The following PRKN variants were observed in gnomAD, a reference collection of about 807,000 sequenced individuals.
PRKN encodes the protein E3 ubiquitin-protein ligase parkin.
Under a neutral mutation model 59.5 loss-of-function variants are expected in PRKN, and 56 were observed. The ratio of observed to expected loss-of-function variants is 0.94; its 90% CI spans 0.76 to 1.18. The LOEUF (loss-of-function observed/expected upper bound fraction) is 1.18. Ranked by LOEUF, PRKN falls within the 50% of genes most tolerant of loss-of-function variation. The pLI, the probability that PRKN is intolerant of heterozygous loss-of-function variation, is 0.00. For synonymous variants in PRKN, 250 were observed against 222.1 expected (o/e 1.13, Z -1.12); for missense variants, 657 against 596.4 (o/e 1.10, Z -1.06).
intron 3 of PRKN, among the ~76,000 whole-genome samples, chr6:162,201,728 G>A (rs1196539587): frequency 6.6e-6 from 1 of 152,074 alleles, no homozygotes; most frequent in Non-Finnish European, 1.5e-5. Flanking sequence ...AGTTTGCTGG[G>A]CTTCTAGGGT....
chr6:161,708,021 C>T lies in PRKN; in HGVS notation c.871+77751G>A, dbSNP rs560616323. ...CACATTTCATTTTTGGAGTATGTTG[C>T]CCTCATTTAATGATATAATAGTTTT... On this transcript the variant is annotated intron_variant, in intron 7 of 11. Transcript: ENST00000366898. Among the ~76,000 whole-genome samples the T allele has an allele frequency of 3.3e-5, 5 of 152,128 alleles. No homozygotes were observed. The South Asian group carries it at 8.3e-4, about 25-fold the overall frequency.
chr6:161,532,209 A>G (rs1013860821), intron 9 of PRKN, among the ~76,000 whole-genome samples: 1 of 151,086 alleles, frequency 6.6e-6, no homozygotes, highest in Non-Finnish European at 1.5e-5. Context: ...CTATGTGTCT[A>G]TAAGTACAAG....
Position 162,186,991 on chromosome 6 carries a change from G to A in PRKN, c.534+14140C>T, listed in dbSNP as rs1456067615. 4.6e-5 allele frequency among the ~76,000 whole-genome samples: 7 copies of A among 152,140 alleles called. No individual in the cohort carries two copies. The East Asian group carries it at 5.8e-4, about 13-fold the overall frequency. Reference sequence around the variant, plus strand: ...CAGAGAGTGAGTTCAGGTCTGACCCGAGTCCCACTTGATAATGTTAAAGGC... The same window carrying A: ...CAGAGAGTGAGTTCAGGTCTGACCCAAGTCCCACTTGATAATGTTAAAGGC... On this transcript the variant is annotated intron_variant, in intron 4 of 11. Transcript: ENST00000366898.
At chr6:162,366,695 C>G (rs1174424296) in intron 2 of PRKN, among the ~76,000 whole-genome samples, 2 of 151,926 alleles carry the variant, frequency 1.3e-5, no homozygotes, top group African/African-American at 4.8e-5. Flanking sequence ...CACCTGAGGT[C>G]GGGAGTTCGA....
intron 1 of PRKN, among the ~76,000 whole-genome samples, chr6:162,529,614 G>A (rs73037984): frequency 0.078 from 11,922 of 152,144 alleles, 501 homozygotes; most frequent in South Asian, 0.17. Flanking sequence ...AGGGACTTAC[G>A]GACAGAAGCC....
intron 9 of PRKN, among the ~76,000 whole-genome samples, chr6:161,465,712 C>G (rs548183557): frequency 6.6e-6 from 1 of 152,122 alleles, no homozygotes; most frequent in Non-Finnish European, 1.5e-5. Flanking sequence ...TGTACCGCTA[C>G]TGCTTAAGAT....
chr6:161,771,376 AT>A (rs375170793), intron 7 of PRKN, among the ~76,000 whole-genome samples: 6,186 of 60,872 alleles, frequency 0.1, 576 homozygotes, highest in African/African-American at 0.2. Context: ...AAAAAATAAA[AT>A]AAAATAAAAT....
chr6:161,926,795 C>T (rs1021896947), intron 6 of PRKN, among the ~76,000 whole-genome samples: 6 of 152,260 alleles, frequency 3.9e-5, no homozygotes, highest in South Asian at 4.1e-4. Flanking sequence ...AACAAGCCTA[C>T]GAGAGATATA....
chr6:162,390,574 T>G (rs1787130606), intron 2 of PRKN, among the ~76,000 whole-genome samples: 2 of 151,810 alleles, frequency 1.3e-5, no homozygotes, highest in Non-Finnish European at 2.9e-5. Context: ...CCTGAGTAGC[T>G]AGGACTATAG....
At chr6:161,495,399 G>GT (rs1240138422) in intron 9 of PRKN, among the ~76,000 whole-genome samples, 1 of 152,208 alleles carries the variant, frequency 6.6e-6, no homozygotes, top group African/African-American at 2.4e-5. Context: ...CCCGTCTGCA[G>GT]TATAAGAAGC....
At chr6:162,032,038 A>C (rs993129301) in intron 5 of PRKN, among the ~76,000 whole-genome samples, 2 of 152,174 alleles carry the variant, frequency 1.3e-5, no homozygotes, top group Admixed American at 6.5e-5. Flanking sequence ...CTCATGGATA[A>C]AACATAACTG....
chr6:161,509,747 G>GTGCGCGCCTGTAATCCCAGCTACTCT (rs1778312480), intron 9 of PRKN, among the ~76,000 whole-genome samples: 1 of 151,762 alleles, frequency 6.6e-6, no homozygotes, highest in Non-Finnish European at 1.5e-5. Flanking sequence ...GTGTGTGGTG[G>GTGCGCGCCTGTAATCCCAGCTACTCT]TGCGCGCCTG....
At chr6:161,583,458 G>GTT (rs200897316) in intron 7 of PRKN, among the ~76,000 whole-genome samples, 5 of 148,798 alleles carry the variant, frequency 3.4e-5, no homozygotes, top group Admixed American at 1.3e-4. Context: ...TCATTTCCAG[G>GTT]TTTTTTTTTT....
intron 1 of PRKN, among the ~76,000 whole-genome samples, chr6:162,468,445 G>A (rs1345759124): frequency 6.6e-6 from 1 of 152,212 alleles, no homozygotes; most frequent in African/African-American, 2.4e-5. Flanking sequence ...AAGAGCATAT[G>A]GCAATTTGGC....
At chr6:161,991,385 T>C (rs1049892697) in intron 5 of PRKN, among the ~76,000 whole-genome samples, 9 of 151,530 alleles carry the variant, frequency 5.9e-5, no homozygotes, top group Non-Finnish European at 8.8e-5. Flanking sequence ...CAAACCACAA[T>C]GATAAACAAC....
intron 2 of PRKN, among the ~76,000 whole-genome samples, chr6:162,283,692 T>C (rs552597353): frequency 8.6e-4 from 131 of 152,206 alleles, no homozygotes; most frequent in Non-Finnish European, 1.5e-3. Flanking sequence ...AGCTAATTTT[T>C]GTATTTTTAG....
intron 3 of PRKN, among the ~76,000 whole-genome samples, chr6:162,221,811 T>C (rs1232620046): frequency 6.6e-6 from 1 of 152,174 alleles, no homozygotes; most frequent in Non-Finnish European, 1.5e-5. Context: ...AAATGTCAGA[T>C]GATAAATCTT....
intron 1 of PRKN, among the ~76,000 whole-genome samples, chr6:162,466,270 GA>G: frequency 6.6e-6 from 1 of 152,180 alleles, no homozygotes; most frequent in East Asian, 1.9e-4. Context: ...GTTATGGAGT[GA>G]AATGTACTTG....
intron 4 of PRKN, among the ~76,000 whole-genome samples, chr6:162,075,582 G>A (rs547377996): frequency 6.8e-4 from 103 of 152,010 alleles, no homozygotes; most frequent in African/African-American, 2.4e-3. Flanking sequence ...CCGTGAATAT[G>A]TATCATCAAT....
Sources: gnomAD v4.1 joint callset for allele counts (sites outside exome capture counted in the v4.1 genomes callset) on GRCh38, gnomAD v4.1.1 for gene constraint, MANE v1.5 for transcripts, NCBI Gene and HGNC (gene_info 2026-07-23, HGNC 2026-07-21) for gene names.